CLIC4: variants seen among roughly 807,000 people sequenced by gnomAD.
CLIC4 encodes the protein chloride intracellular channel protein 4.
Under a neutral mutation model 24.6 loss-of-function variants are expected in CLIC4, and 13 were observed. The observed-to-expected ratio is 0.53, with a 90% CI of 0.34 to 0.84. The LOEUF is 0.84. CLIC4 is among the 40% of genes least tolerant of loss of function. The pLI is 0.01. For missense variants in CLIC4, 227 were observed against 301.7 expected (o/e 0.75, Z 1.83); for synonymous variants, 104 against 111.3 (o/e 0.93, Z 0.41).
At chr1:24,775,224 CTTTTTTT>C in intron 1 of CLIC4, among the ~76,000 whole-genome samples, 18 of 90,662 alleles carry the variant, frequency 2.0e-4, no homozygotes, top group African/African-American at 5.7e-4. Context: ...TTCTTTCTTT[CTTTTTTT>C]TTTTTTTTTT....
chr1:24,828,732 C>T (rs1040345973), intron 4 of CLIC4, among the ~76,000 whole-genome samples: 32 of 152,208 alleles, frequency 2.1e-4, no homozygotes, highest in African/African-American at 6.7e-4. Flanking sequence ...GAAAGTGACT[C>T]ATTTAAGTAT....
At chr1:24,770,476 T>C (rs954433222) in intron 1 of CLIC4, among the ~76,000 whole-genome samples, 1 of 152,210 alleles carries the variant, frequency 6.6e-6, no homozygotes, top group Non-Finnish European at 1.5e-5. Flanking sequence ...CCAGTGCTTT[T>C]GGATCTGTTT....
At chr1:24,804,510 T>C (rs1639525909) in intron 2 of CLIC4, among the ~76,000 whole-genome samples, 1 of 68,990 alleles carries the variant, frequency 1.4e-5, no homozygotes, top group Non-Finnish European at 2.5e-5. Flanking sequence ...AGGGTGTGTG[T>C]GTATGTGGGT....
intron 1 of CLIC4, among the ~76,000 whole-genome samples, chr1:24,751,034 G>A (rs1163401555): frequency 6.6e-6 from 1 of 152,036 alleles, no homozygotes; most frequent in Non-Finnish European, 1.5e-5. Context: ...TGAGCATTTT[G>A]TTGTCAATGT....
intron 1 of CLIC4, among the ~76,000 whole-genome samples, chr1:24,746,301 T>G (rs1309328052): frequency 1.3e-5 from 2 of 152,150 alleles, no homozygotes; most frequent in Non-Finnish European, 2.9e-5. Context: ...CATTTTGGCT[T>G]CTCCCCCCGG....
rs1205392648 is a variant in CLIC4 at position 24,782,519 on chromosome 1, AG to A, written c.73-15222del. 2.6e-5 allele frequency among the ~76,000 whole-genome samples: 4 copies of A among 152,098 alleles called. No individual in the cohort carries two copies. In the South Asian group the frequency reaches 8.3e-4, roughly 32 times the overall value. On this transcript the variant is annotated intron_variant, in intron 1 of 5. Coordinates refer to ENST00000374379, the MANE Select transcript of CLIC4 (RefSeq NM_013943.3). The stretch of plus-strand genomic sequence containing the variant: ...GCTGGTGAATGAATAAAAAAAAAAA[AG>A]TTTTAATTTTAAAAGATTGATATCT...
intron 4 of CLIC4, among the ~76,000 whole-genome samples, chr1:24,833,389 A>G (rs1571267029): frequency 2.3e-4 from 1 of 4,330 alleles, no homozygotes; most frequent in African/African-American, 2.7e-4. Flanking sequence ...CAGGGGGCTG[A>G]CCCCCCCACC....
Position 24,840,844 on chromosome 1 carries a change from T to C in CLIC4, c.669T>C (p.Asn223=). 6.2e-7 allele frequency: 1 copy of C among 1,612,950 alleles called. No homozygotes were observed. The highest frequency in any genetic ancestry group is 1.1e-5 in the South Asian group (1 of 90,876). ...EMTGIWRYLT[N]AYSRDEFTNT... ...CTGGCATCTGGAGATACCTAACTAA[T>C]GCATACAGTAGGGACGAGTTCACCA... is the stretch of plus-strand genomic sequence containing the variant. Residue 223 remains asparagine (N), a synonymous_variant, in exon 6 of 6, where the codon AAT becomes AAC. Coordinates refer to ENST00000374379, the MANE Select transcript of CLIC4 (RefSeq NM_013943.3).
intron 3 of CLIC4, among the ~76,000 whole-genome samples, chr1:24,821,510 G>A (rs886761232): frequency 2.6e-5 from 4 of 152,026 alleles, no homozygotes; most frequent in Non-Finnish European, 5.9e-5. Flanking sequence ...CCCTGTAGGG[G>A]TAAAAATTTT....
chr1:24,749,802 A>G (rs1047585904), intron 1 of CLIC4, among the ~76,000 whole-genome samples: 23 of 152,078 alleles, frequency 1.5e-4, no homozygotes, highest in Non-Finnish European at 2.1e-4. Flanking sequence ...TACAAAAACT[A>G]TTAAAAAAAT....
rs1017434621 is a variant in CLIC4, at chr1:24,842,382, TA to T, written c.*1447del. 3.9e-5 allele frequency: 6 copies of T among 152,176 alleles called. No homozygotes were observed. Among genetic ancestry groups the T allele is most frequent in the African/African-American group, 1.4e-4 (6 of 41,458 alleles). 9.4% of individuals were successfully genotyped at this position (152,176 alleles called of 1,614,324 possible). A position where few individuals can be genotyped will look rare whatever the true frequency, so the allele number is the denominator to read the frequency against. On this transcript the variant is annotated 3_prime_UTR_variant, in exon 6 of 6. Coordinates refer to ENST00000374379, the MANE Select transcript of CLIC4 (RefSeq NM_013943.3). ...ACTCCAAAGACTGTGATTGTGACTA[TA>T]ATACATTTTTGGTAATTTTTTTATA... is the stretch of plus-strand genomic sequence containing the variant.
At chr1:24,774,267 C>T (rs981419527) in intron 1 of CLIC4, among the ~76,000 whole-genome samples, 3 of 152,288 alleles carry the variant, frequency 2.0e-5, no homozygotes, top group East Asian at 1.9e-4. Flanking sequence ...TGAGCCACCA[C>T]GCCCAGCTAA....
intron 1 of CLIC4, among the ~76,000 whole-genome samples, chr1:24,750,899 C>T (rs769915522): frequency 2.0e-5 from 3 of 151,760 alleles, no homozygotes; most frequent in Non-Finnish European, 2.9e-5. Context: ...GGCAGATCTC[C>T]CCTACTAGAT....
chr1:24,781,995 T>C (rs548358392), intron 1 of CLIC4, among the ~76,000 whole-genome samples: 1 of 152,232 alleles, frequency 6.6e-6, no homozygotes, highest in Non-Finnish European at 1.5e-5. Context: ...TTATGGTTTT[T>C]ATTTTTAATG....
At chr1:24,830,647 G>T (rs543616677) in intron 4 of CLIC4, among the ~76,000 whole-genome samples, 2 of 152,250 alleles carry the variant, frequency 1.3e-5, no homozygotes, top group African/African-American at 4.8e-5. Flanking sequence ...ACCCTGGTGT[G>T]TGTTAATCTT....
intron 1 of CLIC4, among the ~76,000 whole-genome samples, chr1:24,775,145 AATT>A (rs1449447830): frequency 2.6e-5 from 4 of 150,952 alleles, no homozygotes; most frequent in East Asian, 3.9e-4. Flanking sequence ...CAGTCATTCA[AATT>A]ATTATTTCCT....
chr1:24,777,797 G>A (rs2124109149), intron 1 of CLIC4: 1 of 152,304 alleles, frequency 6.6e-6, no homozygotes, highest in African/African-American at 2.4e-5. Context: ...TTTTTATGTT[G>A]ATCATGTGTT....
At chr1:24,786,140 C>T (rs1240401605) in intron 1 of CLIC4, among the ~76,000 whole-genome samples, 1 of 152,186 alleles carries the variant, frequency 6.6e-6, no homozygotes, top group African/African-American at 2.4e-5. Flanking sequence ...CCTGTCCTTA[C>T]TTTCAGATCC....
At chr1:24,785,338 T>C (rs1639254696) in intron 1 of CLIC4, among the ~76,000 whole-genome samples, 2 of 152,188 alleles carry the variant, frequency 1.3e-5, no homozygotes, top group African/African-American at 4.8e-5. Context: ...TCCTAACTTA[T>C]TTGATCCCCA....
Sources: allele counts gnomAD v4.1 joint callset (sites outside exome capture counted in the v4.1 genomes callset), GRCh38; gene constraint gnomAD v4.1.1; transcripts MANE v1.5; gene names NCBI Gene and HGNC (gene_info 2026-07-23, HGNC 2026-07-21).